The following DENND1B variants were observed in gnomAD, a reference collection of about 807,000 sequenced individuals.
DENND1B encodes the protein DENN domain-containing protein 1B.
In DENND1B, 59 loss-of-function variants were observed where a neutral mutation model predicts 90.1. The observed-to-expected ratio is 0.65, with a 90% CI of 0.53 to 0.81. DENND1B has a LOEUF of 0.81. Ranked by LOEUF, DENND1B falls within the 40% of genes least tolerant of loss-of-function variation. The pLI, the probability that DENND1B is intolerant of heterozygous loss-of-function variation, is 0.00. For synonymous variants in DENND1B, 337 were observed against 324.6 expected (o/e 1.04, Z -0.41); for missense variants, 862 against 912.6 (o/e 0.94, Z 0.71).
upstream of DENND1B, among the ~76,000 whole-genome samples, chr1:197,777,281 T>C (rs773699252): frequency 1.3e-5 from 2 of 152,196 alleles, no homozygotes; most frequent in Non-Finnish European, 2.9e-5. Context: ...TCATCCATTG[T>C]TGGGATTTTA....
chr1:197,771,623 G>A (rs1656628892), intron 2 of DENND1B, among the ~76,000 whole-genome samples: 1 of 152,144 alleles, frequency 6.6e-6, no homozygotes, highest in African/African-American at 2.4e-5. Flanking sequence ...CCACAACTGG[G>A]TTGGGCTTCT....
intron 13 of DENND1B, among the ~76,000 whole-genome samples, chr1:197,598,725 G>A (rs1049277796): frequency 1.3e-5 from 2 of 151,726 alleles, no homozygotes; most frequent in Admixed American, 6.6e-5. Flanking sequence ...TACTGAAAAA[G>A]TATCAATTGT....
intron 2 of DENND1B, among the ~76,000 whole-genome samples, chr1:197,727,364 T>C (rs956134055): frequency 2.6e-5 from 4 of 151,774 alleles, no homozygotes; most frequent in Non-Finnish European, 4.4e-5. Context: ...TGAAACCCCA[T>C]CTCTACTAAA....
rs1667662257 is a variant in DENND1B, at chr1:197,504,968, CAGATATCT to C, written c.*5484_*5491del. ...AATCACAATTCTGGGTAGGTTTTTA[CAGATATCT>C]GCTACCAAGACGAGCAAAAAGCTCA... On this transcript the variant is annotated 3_prime_UTR_variant, in exon 23 of 23. Transcript: ENST00000620048. 6.6e-6 allele frequency: 1 copy of C among 151,784 alleles called. No homozygotes were observed. Among genetic ancestry groups the C allele is most frequent in the Non-Finnish European group, 1.5e-5 (1 of 67,864 alleles). The allele number at this position is 151,784 out of a possible 1,614,324, so 9.4% of individuals were successfully genotyped here. A position where few individuals can be genotyped will look rare whatever the true frequency, so the allele number is the denominator to read the frequency against.
At chr1:197,745,369 C>A (rs1024941633) in intron 2 of DENND1B, among the ~76,000 whole-genome samples, 2 of 152,024 alleles carry the variant, frequency 1.3e-5, no homozygotes, top group African/African-American at 4.8e-5. Context: ...TTCACTTGGA[C>A]ACTTAGAGGC....
rs1355182491 is a variant in DENND1B at position 197,510,849 on chromosome 1, G to A, written c.1939C>T (p.Pro647Ser). Residue 647 changes from proline to serine, a missense_variant, in exon 23 of 23, where the codon CCT becomes TCT. Transcript: ENST00000620048. Reference sequence around the variant, plus strand: ...CCACTAGAGGAAACCCGCTTCCTAGGAGATGGAGGGAGGTGTTTGCCATGG... The same window carrying A: ...CCACTAGAGGAAACCCGCTTCCTAGAAGATGGAGGGAGGTGTTTGCCATGG... ...ALHGKHLPPS[P>S]RKRVSSSGLT... 2 of 1,611,770 alleles carry A rather than the reference G, an allele frequency of 1.2e-6. No individual in the cohort carries two copies. The highest frequency in any genetic ancestry group is 1.7e-5 in the Admixed American group (1 of 59,706).
intron 2 of DENND1B, chr1:197,735,171 A>C (rs921441155): frequency 1.6e-5 from 16 of 994,992 alleles, no homozygotes; most frequent in African/African-American, 3.5e-5. Flanking sequence ...AGGTACAAAA[A>C]ACAATATTGA....
intron 16 of DENND1B, chr1:197,552,226 A>G: frequency 1.2e-5 from 12 of 984,182 alleles, no homozygotes; most frequent in Non-Finnish European, 1.4e-5. Context: ...TTGCTATTAT[A>G]CCAGGCCAAA....
intron 10 of DENND1B, among the ~76,000 whole-genome samples, chr1:197,623,025 T>C (rs564378699): frequency 4.6e-5 from 7 of 151,364 alleles, no homozygotes; most frequent in Admixed American, 6.6e-5. Context: ...AGGTATCATA[T>C]AGACACATTG....
At chr1:197,617,255 G>A (rs991734678) in intron 11 of DENND1B, among the ~76,000 whole-genome samples, 4 of 151,078 alleles carry the variant, frequency 2.6e-5, no homozygotes, top group African/African-American at 9.7e-5. Flanking sequence ...TGAAGTAAAG[G>A]TAACAAGAGT....
At position 197,668,952 on chromosome 1, in the gene DENND1B, AT is replaced by A. The variant is rs1157556672; in HGVS notation, c.296+3084del. On this transcript the variant is annotated intron_variant, in intron 5 of 22. Coordinates refer to ENST00000620048, the MANE Select transcript of DENND1B (RefSeq NM_001195215.2). ...CAATTCTGCTAATCTTAATGGGCTC[AT>A]TTTTTTTACCCTCAGCAATGCTGAG... is the stretch of plus-strand genomic sequence containing the variant. Among the ~76,000 whole-genome samples the A allele has an allele frequency of 5.3e-5, 8 of 151,644 alleles. No individual in the cohort carries two copies. The East Asian group carries it at 7.8e-4, about 15-fold the overall frequency.
chr1:197,699,726 A>C lies in DENND1B; in HGVS notation c.126+15305T>G, dbSNP rs192861727. ...AACTTCAGCAAAGTCTCAGGATACA[A>C]AATCAATGTGCAAATATCACAAAGT... On this transcript the variant is annotated intron_variant, in intron 3 of 22. Coordinates refer to ENST00000620048, the MANE Select transcript of DENND1B (RefSeq NM_001195215.2). 7.6e-4 allele frequency among the ~76,000 whole-genome samples: 116 copies of C among 152,308 alleles called. 1 individual carries two copies. Among genetic ancestry groups the C allele is most frequent in the Non-Finnish European group, 1.4e-3 (93 of 68,022 alleles).
chr1:197,572,986 TC>T (rs1673314019), intron 15 of DENND1B, among the ~76,000 whole-genome samples: 1 of 152,172 alleles, frequency 6.6e-6, no homozygotes, highest in Non-Finnish European at 1.5e-5. Flanking sequence ...GGTGGTGATA[TC>T]CCCTTTATCA....
In DENND1B at chr1:197,775,185, C is replaced by T; in HGVS notation, c.-30G>A. ...ACATGTCGGTGTGGGGCTGTCCGTC[C>T]GGCCCCCGCGCGCTGGCCTGGAAGC... On this transcript the variant is annotated 5_prime_UTR_variant, in exon 1 of 23. Transcript: ENST00000620048. 1 of 1,269,026 alleles carries T rather than the reference C, an allele frequency of 7.9e-7. No individual in the cohort carries two copies. The highest frequency in any genetic ancestry group is 1.0e-6 in the Non-Finnish European group (1 of 1,002,686). The allele number at this position is 1,269,026 out of a possible 1,614,324, so 78.6% of individuals were successfully genotyped here.
chr1:197,618,958 C>T (rs1677904606), intron 10 of DENND1B, among the ~76,000 whole-genome samples: 1 of 151,136 alleles, frequency 6.6e-6, no homozygotes, highest in South Asian at 2.1e-4. Context: ...AGATCCATTA[C>T]ATAAAGTAAA....
At chr1:197,772,446 GTAT>G (rs1485920451) in intron 2 of DENND1B, among the ~76,000 whole-genome samples, 1 of 152,168 alleles carries the variant, frequency 6.6e-6, no homozygotes, top group African/African-American at 2.4e-5. Context: ...ACATTTAGTA[GTAT>G]TATTTTCCTA....
chr1:197,706,858 A>T (rs193218540), intron 3 of DENND1B, among the ~76,000 whole-genome samples: 3 of 152,302 alleles, frequency 2.0e-5, no homozygotes, highest in Non-Finnish European at 4.4e-5. Flanking sequence ...TTATATAAAA[A>T]ATAGTATGGA....
chr1:197,607,375 A>C (rs1031720569), intron 12 of DENND1B, among the ~76,000 whole-genome samples: 1 of 150,906 alleles, frequency 6.6e-6, no homozygotes, highest in Non-Finnish European at 1.5e-5. Context: ...TTTAGTAAAA[A>C]TGCTTAAAAT....
At chr1:197,745,615 A>T (rs1289120474) in intron 2 of DENND1B, among the ~76,000 whole-genome samples, 2 of 119,366 alleles carry the variant, frequency 1.7e-5, no homozygotes, top group South Asian at 5.0e-4. Context: ...CCATATATAT[A>T]TTATATATAT....
Sources: allele counts gnomAD v4.1 joint callset (sites outside exome capture counted in the v4.1 genomes callset), GRCh38; gene constraint gnomAD v4.1.1; transcripts MANE v1.5; gene names NCBI Gene and HGNC (gene_info 2026-07-23, HGNC 2026-07-21).